The following VWF variants were observed in gnomAD, a reference collection of about 807,000 sequenced individuals.
VWF encodes von Willebrand factor.
In VWF, 176 loss-of-function variants were observed where a neutral mutation model predicts 308.6. The ratio of observed to expected loss-of-function variants is 0.57; its 90% confidence interval spans 0.50 to 0.65. The LOEUF (loss-of-function observed/expected upper bound fraction) is 0.65, where lower values mean the gene tolerates loss of function less well. Ranked by LOEUF, VWF falls within the 30% of genes least tolerant of loss-of-function variation. The probability of loss-of-function intolerance (pLI) is 0.00; values close to 1 mark genes in which losing one functional copy is unlikely to be tolerated. For synonymous variants in VWF, 1,385 were observed against 1,443.4 expected, an observed-to-expected ratio of 0.96 and a Z score of 0.92; for missense variants, 3,146 against 3,648.2, an observed-to-expected ratio of 0.86 and a Z score of 3.55.
intron 9 of VWF, 111 bp downstream of exon 9, chr12:6,072,220 T>G: frequency 1.0e-6 from 1 of 990,740 alleles, no homozygotes; most frequent in Non-Finnish European, 1.6e-6. Context: ...AGTCTCTTCT[T>G]TCTTGGCACG....
At chr12:5,952,855 C>G (rs1943207901) in intron 48 of VWF, among the ~76,000 whole-genome samples, 1 of 152,202 alleles carries the variant, frequency 6.6e-6, no homozygotes, top group Non-Finnish European at 1.5e-5. Flanking sequence ...CTAGTCCGGA[C>G]TTCATAGACC....
At position 6,012,078 on chromosome 12, in the gene VWF, G is replaced by C; in HGVS notation, c.5664+9C>G. On this transcript the variant is annotated intron_variant, in intron 33 of 51. Coordinates refer to ENST00000261405, the MANE Select transcript of VWF (RefSeq NM_000552.5). ...ACCTTTCTTTCAAAGTCAACAGAAA[G>C]GAACTTACCCTCTTCTCATTCCCAT... 1 of 1,614,060 alleles carries C rather than the reference G, an allele frequency of 6.2e-7. No individual in the cohort carries two copies. Among genetic ancestry groups the C allele is most frequent in the Admixed American group, 1.7e-5 (1 of 60,028 alleles).
At chr12:6,047,825 G>A (rs1308123705) in intron 16 of VWF, among the ~76,000 whole-genome samples, 1 of 152,190 alleles carries the variant, frequency 6.6e-6, no homozygotes, top group Non-Finnish European at 1.5e-5. Flanking sequence ...CCCACTCAGT[G>A]TCCCAGTGAT....
At chr12:6,076,647 T>C (rs1159349619) in intron 6 of VWF, among the ~76,000 whole-genome samples, 1 of 152,146 alleles carries the variant, frequency 6.6e-6, no homozygotes, top group Non-Finnish European at 1.5e-5. Flanking sequence ...AATATCTCAA[T>C]GGAAGGACTG....
intron 15 of VWF, among the ~76,000 whole-genome samples, chr12:6,054,935 C>T (rs1394873390): frequency 6.6e-6 from 1 of 152,230 alleles, no homozygotes; most frequent in Non-Finnish European, 1.5e-5. Flanking sequence ...ACTTACCCAA[C>T]TGCCTTGGGT....
chr12:5,994,705 A>G (rs541640466), intron 35 of VWF, 98 bp from the exon 36 acceptor site: 1 of 1,041,484 alleles, frequency 9.6e-7, no homozygotes, highest in Non-Finnish European at 1.5e-6. Flanking sequence ...CATCACACTC[A>G]ACTGCAACAT....
intron 3 of VWF, among the ~76,000 whole-genome samples, chr12:6,119,977 T>C (rs1305148818): frequency 6.6e-6 from 1 of 152,216 alleles, no homozygotes; most frequent in African/African-American, 2.4e-5. Flanking sequence ...AGGATGGCAG[T>C]GCCCAGAAGT....
At chr12:6,090,051 A>G (rs1415138722) in intron 6 of VWF, among the ~76,000 whole-genome samples, 6 of 151,952 alleles carry the variant, frequency 3.9e-5, no homozygotes, top group South Asian at 2.1e-4. Flanking sequence ...TCTGCCTCCC[A>G]GGTTCATGCC....
chr12:6,029,309 T>A (rs1179765718), intron 22 of VWF, 33 bp downstream of exon 22: 1 of 1,613,434 alleles, frequency 6.2e-7, no homozygotes, highest in Admixed American at 1.7e-5. Flanking sequence ...AAAGGCCAAG[T>A]CCCCAACAAG....
chr12:6,068,846 G>A (rs1944751582), intron 10 of VWF, among the ~76,000 whole-genome samples: 1 of 137,378 alleles, frequency 7.3e-6, no homozygotes, highest in Non-Finnish European at 1.5e-5. Context: ...GTGTGTGTGT[G>A]TGTGTGTGTG....
chr12:6,062,224 C>A (rs2136459963), intron 13 of VWF, among the ~76,000 whole-genome samples: 1 of 152,198 alleles, frequency 6.6e-6, no homozygotes, highest in South Asian at 2.1e-4. Context: ...ATGGGAAAGG[C>A]ATGAGGCAGA....
At chr12:5,957,257 T>G (rs984866322) in intron 47 of VWF, among the ~76,000 whole-genome samples, 9 of 152,200 alleles carry the variant, frequency 5.9e-5, no homozygotes, top group Non-Finnish European at 1.2e-4. Context: ...AAAAATCACC[T>G]AACGATGCAT....
At chr12:5,964,393 C>G (rs1943373879) in intron 47 of VWF, among the ~76,000 whole-genome samples, 2 of 152,020 alleles carry the variant, frequency 1.3e-5, no homozygotes, top group South Asian at 4.2e-4. Flanking sequence ...TTCTTTTGAC[C>G]CTTTCCACCT....
intron 45 of VWF, among the ~76,000 whole-genome samples, 199 bp from the exon 46 acceptor site, chr12:5,968,366 C>T (rs903920478): frequency 3.9e-5 from 6 of 152,116 alleles, no homozygotes; most frequent in Non-Finnish European, 7.3e-5. Flanking sequence ...CCCATGCAGC[C>T]CACAATGAGA....
At chr12:5,971,554 T>C in intron 44 of VWF, 45 bp downstream of exon 44, 1 of 1,483,696 alleles carries the variant, frequency 6.7e-7, no homozygotes. Flanking sequence ...GTCCCTGGAG[T>C]GGCCCCAATC....
rs1943417292 is a variant in VWF at position 5,967,498 on chromosome 12, G to T, written c.7875C>A (p.Asn2625Lys). ...GAGCCTCTCTTACCAGGGGGCAGGG[G>T]TTGCAGGTGGTCTTCCTGCACTCCA... Reference protein sequence around the residue: ...FKLECRKTTCNPCPLGYKEEN... With the variant: ...FKLECRKTTCKPCPLGYKEEN... Residue 2625 changes from asparagine (N) to lysine (K), a missense_variant, in exon 47 of 52, where the codon AAC (asparagine) becomes AAA (lysine). Asn to Lys is a moderately conservative substitution (Grantham distance 94, BLOSUM62 0). Coordinates refer to ENST00000261405, the MANE Select transcript of VWF (RefSeq NM_000552.5). The T allele has an allele frequency of 3.7e-6, 6 of 1,613,966 alleles. No individual in the cohort carries two copies. The South Asian group carries it at 5.5e-5, about 15-fold the overall frequency.
At chr12:5,982,106 G>A in intron 41 of VWF, 115 bp from the exon 42 acceptor site, 1 of 971,092 alleles carries the variant, frequency 1.0e-6, no homozygotes, top group Non-Finnish European at 1.6e-6. Context: ...TCAGAAATGT[G>A]TGAGGGCCAA....
chr12:6,116,106 G>C (rs965059940), intron 3 of VWF, among the ~76,000 whole-genome samples: 1 of 152,104 alleles, frequency 6.6e-6, no homozygotes, highest in South Asian at 2.1e-4. Flanking sequence ...TTAGGAAAAC[G>C]AGCCATTAGA....
chr12:6,011,922 G>A (rs1943999940), intron 33 of VWF, 128 bp from the exon 34 acceptor site: 2 of 1,209,300 alleles, frequency 1.7e-6, no homozygotes, highest in African/African-American at 1.5e-5. Flanking sequence ...CCCTGTACAT[G>A]AGACAGGAAG....
Sources: gnomAD v4.1 joint callset for allele counts (sites outside exome capture counted in the v4.1 genomes callset) on GRCh38, gnomAD v4.1.1 for gene constraint, MANE v1.5 for transcripts, NCBI Gene and HGNC (gene_info 2026-07-23, HGNC 2026-07-21) for gene names.